Variants in LTBP1 observed in about 807,000 individuals in gnomAD.
LTBP1 encodes latent-transforming growth factor beta-binding protein 1.
In LTBP1, 129 loss-of-function variants were observed where a neutral mutation model predicts 207.6. The observed-to-expected ratio is 0.62, with a 90% CI of 0.54 to 0.72. The LOEUF is 0.72. LTBP1 is among the 30% of genes least tolerant of loss of function. The pLI, the probability that LTBP1 is intolerant of heterozygous loss-of-function variation, is 0.00. For synonymous variants in LTBP1, 963 were observed against 833.7 expected, an observed-to-expected ratio of 1.16 and a Z score of -2.67; for missense variants, 2,281 against 2,217.2, an observed-to-expected ratio of 1.03 and a Z score of -0.58.
At chr2:33,013,196 A>G (rs1031127396) in intron 2 of LTBP1, among the ~76,000 whole-genome samples, 3 of 152,174 alleles carry the variant, frequency 2.0e-5, no homozygotes, top group African/African-American at 7.2e-5. Context: ...GCTTTCTAAA[A>G]AGGCTTGTAC....
chr2:33,274,545 A>G (rs1331674739), intron 16 of LTBP1, among the ~76,000 whole-genome samples: 1 of 152,178 alleles, frequency 6.6e-6, no homozygotes, highest in Non-Finnish European at 1.5e-5. Context: ...CACTTTCAGA[A>G]CCTAGAATAT....
At chr2:33,397,336 C>G in intron 33 of LTBP1, 54 bp downstream of exon 33, 10 of 1,588,836 alleles carry the variant, frequency 6.3e-6, no homozygotes, top group Non-Finnish European at 7.8e-6. Context: ...CACCCCGTAT[C>G]TCAGTCAGTA....
intron 4 of LTBP1, among the ~76,000 whole-genome samples, chr2:33,118,812 A>T (rs1442516029): frequency 6.6e-6 from 1 of 152,170 alleles, no homozygotes; most frequent in East Asian, 1.9e-4. Flanking sequence ...TCTGAGAGCT[A>T]TTTGATAACA....
intron 32 of LTBP1, 59 bp from the exon 33 acceptor site, chr2:33,397,074 T>C: frequency 6.6e-7 from 1 of 1,515,474 alleles, no homozygotes; most frequent in Non-Finnish European, 9.0e-7. Context: ...AAATATCATT[T>C]ACAAAATGAT....
At chr2:33,334,569 T>G (rs1357274878) in intron 24 of LTBP1, among the ~76,000 whole-genome samples, 1 of 152,172 alleles carries the variant, frequency 6.6e-6, no homozygotes, top group Non-Finnish European at 1.5e-5. Context: ...ATGTGGTGAC[T>G]GGATGTGGAG....
chr2:33,360,356 G>A (rs1038301161), intron 26 of LTBP1, among the ~76,000 whole-genome samples: 1 of 152,176 alleles, frequency 6.6e-6, no homozygotes, highest in Non-Finnish European at 1.5e-5. Flanking sequence ...ATTGGTTCAC[G>A]TAAAAGGAAA....
intron 3 of LTBP1, among the ~76,000 whole-genome samples, chr2:33,049,287 A>T (rs2076607497): frequency 6.6e-6 from 1 of 152,354 alleles, no homozygotes; most frequent in East Asian, 1.9e-4. Flanking sequence ...AGTTTGTAAG[A>T]CCAATGAAAT....
At chr2:33,269,593 C>T (rs1302499168) in intron 15 of LTBP1, among the ~76,000 whole-genome samples, 2 of 152,160 alleles carry the variant, frequency 1.3e-5, no homozygotes, top group African/African-American at 4.8e-5. Flanking sequence ...TGAGTGCTGT[C>T]TATGTGAGGC....
chr2:33,087,372 T>G (rs1005364539), intron 3 of LTBP1, among the ~76,000 whole-genome samples: 29 of 152,178 alleles, frequency 1.9e-4, no homozygotes, highest in Admixed American at 1.4e-3. Context: ...CTAGCCTCAC[T>G]TATGTTCTAT....
chr2:33,158,148 C>CAAAAAAAAAAAAAAAAAA, intron 5 of LTBP1, among the ~76,000 whole-genome samples: 1 of 113,894 alleles, frequency 8.8e-6, no homozygotes, highest in Non-Finnish European at 1.7e-5. Context: ...AAAAAAAAAA[C>CAAAAAAAAAAAAAAAAAA]AAAAAAAAAA....
At chr2:33,376,009 A>G (rs1018484334) in intron 31 of LTBP1, among the ~76,000 whole-genome samples, 2 of 152,180 alleles carry the variant, frequency 1.3e-5, no homozygotes, top group East Asian at 1.9e-4. Context: ...ATATGTCTCA[A>G]AGAACGGATT....
intron 3 of LTBP1, among the ~76,000 whole-genome samples, chr2:33,099,008 G>C (rs979180084): frequency 3.9e-5 from 6 of 152,114 alleles, no homozygotes; most frequent in Non-Finnish European, 5.9e-5. Flanking sequence ...AGATTTTGCA[G>C]CTTCTCATAT....
At chr2:33,280,762 C>G (rs979957478) in intron 19 of LTBP1, among the ~76,000 whole-genome samples, 1 of 152,080 alleles carries the variant, frequency 6.6e-6, no homozygotes, top group Non-Finnish European at 1.5e-5. Context: ...TCCTTTCTCC[C>G]TCAAATGCTT....
chr2:33,147,953 T>A (rs1342480641), intron 5 of LTBP1, among the ~76,000 whole-genome samples: 6 of 152,190 alleles, frequency 3.9e-5, no homozygotes, highest in Non-Finnish European at 1.5e-5. Context: ...ACAGCCAGCG[T>A]CCCAGGAAGT....
chr2:33,257,842 G>A (rs373743945), intron 12 of LTBP1, among the ~76,000 whole-genome samples: 19 of 152,300 alleles, frequency 1.2e-4, no homozygotes, highest in Middle Eastern at 3.4e-3. Flanking sequence ...TGTCTAGAAG[G>A]CCATTTAACA....
At chr2:33,307,370 G>A (rs11694122) in intron 22 of LTBP1, among the ~76,000 whole-genome samples, 3,427 of 152,286 alleles carry the variant, frequency 0.023, 64 homozygotes, top group Non-Finnish European at 0.036. Context: ...CAATGGCCCA[G>A]ATGGAAACAA....
chr2:33,365,615 T>G, intron 31 of LTBP1, 112 bp downstream of exon 31: 2 of 991,580 alleles, frequency 2.0e-6, no homozygotes, highest in Non-Finnish European at 2.9e-6. Flanking sequence ...CCTGATATCT[T>G]ACTTTCATCC....
At chr2:33,122,652 G>A (rs72871219) in intron 4 of LTBP1, among the ~76,000 whole-genome samples, 154 of 152,318 alleles carry the variant, frequency 1.0e-3, no homozygotes, top group African/African-American at 3.2e-3. Flanking sequence ...ATCCTACCAC[G>A]TTAATGTTGG....
intron 4 of LTBP1, among the ~76,000 whole-genome samples, chr2:33,132,474 A>C: frequency 6.6e-6 from 1 of 152,342 alleles, no homozygotes; most frequent in South Asian, 2.1e-4. Context: ...GCTGCTTTCC[A>C]GCTAAGCGGG....
Sources: allele counts gnomAD v4.1 joint callset (sites outside exome capture counted in the v4.1 genomes callset), GRCh38; gene constraint gnomAD v4.1.1; transcripts MANE v1.5; gene names NCBI Gene and HGNC (gene_info 2026-07-23, HGNC 2026-07-21).